The following PSMD14 variants were observed in gnomAD, a reference collection of about 807,000 sequenced individuals.
PSMD14 encodes proteasome 26S subunit, non-ATPase 14.
PSMD14 carries 7 observed loss-of-function variants against 41.2 expected under a neutral mutation model. The observed-to-expected ratio is 0.17, with a 90% CI of 0.10 to 0.32. PSMD14 has a LOEUF of 0.32. Among genes scored for constraint, PSMD14 ranks in the 10% least tolerant of loss-of-function variants. PSMD14 has a pLI of 1.00. For synonymous variants in PSMD14, 114 were observed against 122.3 expected (o/e 0.93, Z 0.45); for missense variants, 139 against 375.6 (o/e 0.37, Z 5.21).
intron 3 of PSMD14, among the ~76,000 whole-genome samples, chr2:161,320,514 A>C (rs970516325): frequency 6.6e-6 from 1 of 152,152 alleles, no homozygotes; most frequent in Non-Finnish European, 1.5e-5. Context: ...GAATCATTTC[A>C]TCTCAATTAG....
At chr2:161,406,289 G>A (rs1482970663) in intron 10 of PSMD14, among the ~76,000 whole-genome samples, 1 of 152,160 alleles carries the variant, frequency 6.6e-6, no homozygotes, top group Non-Finnish European at 1.5e-5. Context: ...TGCATGATGG[G>A]ATAGCCATCT....
intron 3 of PSMD14, among the ~76,000 whole-genome samples, chr2:161,362,929 T>C (rs1683309400): frequency 6.6e-6 from 1 of 152,222 alleles, no homozygotes; most frequent in Non-Finnish European, 1.5e-5. Flanking sequence ...TTATTGTTTC[T>C]GTTTATTTTA....
At chr2:161,339,147 C>T (rs1362524533) in intron 3 of PSMD14, among the ~76,000 whole-genome samples, 2 of 152,146 alleles carry the variant, frequency 1.3e-5, no homozygotes, top group East Asian at 3.8e-4. Context: ...ATTTCTCTTG[C>T]TTAAATACCT....
intron 1 of PSMD14, among the ~76,000 whole-genome samples, chr2:161,310,792 A>G (rs1420032881): frequency 1.3e-5 from 2 of 152,146 alleles, no homozygotes; most frequent in Non-Finnish European, 2.9e-5. Flanking sequence ...GCCGGATTCA[A>G]ATTGAGGTCA....
intron 4 of PSMD14, 107 bp downstream of exon 4, chr2:161,367,656 T>C: frequency 1.4e-6 from 2 of 1,411,144 alleles, no homozygotes; most frequent in South Asian, 1.3e-5. Context: ...AAATAAGCTA[T>C]TGTTTTAGGT....
rs549301597 is a variant in PSMD14, at chr2:161,347,525, T to C, written c.49-19953T>C. ...ACTCAGACGTTAGATCATATTAAGA[T>C]AGTGCTGAGATTTTAAGAAAATCTG... is the stretch of plus-strand genomic sequence containing the variant. On this transcript the variant is annotated intron_variant, in intron 3 of 11. Coordinates refer to ENST00000409682, the MANE Select transcript of PSMD14 (RefSeq NM_005805.6). Among the ~76,000 whole-genome samples, 5 of 152,304 alleles carry C rather than the reference T, an allele frequency of 3.3e-5. No homozygotes were observed. The East Asian group carries it at 9.6e-4, about 29-fold the overall frequency.
At position 161,411,353 on chromosome 2, in the gene PSMD14, A is replaced by G; in HGVS notation, c.886A>G (p.Ile296Val). The change falls in exon 12 of 12, where the codon ATT becomes GTT. Residue 296 changes from isoleucine to valine, a missense_variant. Coordinates refer to ENST00000409682, the MANE Select transcript of PSMD14 (RefSeq NM_005805.6). ...EHVDVLMTSN[I>V]VQCLAAMLDT... ...TGTGGATGTACTTATGACCTCAAATATTGTCCAGTGTTTAGCAGCTATGTT... is the reference window on the plus strand; with the variant it reads ...TGTGGATGTACTTATGACCTCAAATGTTGTCCAGTGTTTAGCAGCTATGTT... The G allele has an allele frequency of 6.2e-7, 1 of 1,610,952 alleles. No individual in the cohort carries two copies. Among genetic ancestry groups the G allele is most frequent in the Non-Finnish European group, 8.5e-7 (1 of 1,178,306 alleles).
chr2:161,335,737 A>C (rs1682859990), intron 3 of PSMD14, among the ~76,000 whole-genome samples: 1 of 152,236 alleles, frequency 6.6e-6, no homozygotes, highest in Admixed American at 6.5e-5. Flanking sequence ...AATTCCTAGG[A>C]GTGGAATTAC....
chr2:161,374,787 T>G (rs1297505949), intron 7 of PSMD14, among the ~76,000 whole-genome samples: 1 of 151,980 alleles, frequency 6.6e-6, no homozygotes, highest in Non-Finnish European at 1.5e-5. Context: ...ACTTCTTTCT[T>G]GAGGCAAAAA....
At position 161,324,095 on chromosome 2, in the gene PSMD14, A is replaced by G. The variant is rs545959309; in HGVS notation, c.48+5222A>G. On this transcript the variant is annotated intron_variant, in intron 3 of 11. Transcript: ENST00000409682. ...TTTGGAAATAGTCAATATAAGCTTG[A>G]AAGTAGATGGAACTTAAGCAAAATG... Among the ~76,000 whole-genome samples the G allele has an allele frequency of 5.3e-4, 80 of 152,344 alleles. 1 individual carries two copies. Among genetic ancestry groups the G allele is most frequent in the African/African-American group, 1.9e-3 (78 of 41,598 alleles).
At chr2:161,356,198 C>G (rs926279849) in intron 3 of PSMD14, among the ~76,000 whole-genome samples, 1 of 152,058 alleles carries the variant, frequency 6.6e-6, no homozygotes, top group African/African-American at 2.4e-5. Context: ...TGGGTTAGGA[C>G]GATGGGGAAC....
intron 7 of PSMD14, among the ~76,000 whole-genome samples, chr2:161,380,934 A>G (rs751554585): frequency 6.6e-6 from 1 of 151,986 alleles, no homozygotes; most frequent in Non-Finnish European, 1.5e-5. Context: ...TCTAGAAACA[A>G]CCTAAGCAGT....
chr2:161,338,218 C>G (rs568340781), intron 3 of PSMD14, among the ~76,000 whole-genome samples: 1 of 152,178 alleles, frequency 6.6e-6, no homozygotes, highest in Admixed American at 6.6e-5. Context: ...ATCCTTGGAA[C>G]TATATTTAGA....
At chr2:161,410,585 C>T (rs1684010998) in intron 11 of PSMD14, among the ~76,000 whole-genome samples, 1 of 151,910 alleles carries the variant, frequency 6.6e-6, no homozygotes, top group South Asian at 2.1e-4. Context: ...AATTTTAAGC[C>T]TCCTTTTTAA....
chr2:161,399,931 G>A (rs1057209174), intron 10 of PSMD14, among the ~76,000 whole-genome samples: 2 of 152,074 alleles, frequency 1.3e-5, no homozygotes, highest in East Asian at 3.9e-4. Flanking sequence ...AAATTAAATT[G>A]TATAACAATG....
intron 3 of PSMD14, among the ~76,000 whole-genome samples, chr2:161,336,864 C>T (rs868619940): frequency 3.9e-5 from 6 of 152,300 alleles, no homozygotes; most frequent in Middle Eastern, 3.4e-3. Context: ...CGTGAGCCAC[C>T]GTGCTCAGCC....
intron 3 of PSMD14, chr2:161,340,908 G>A: frequency 6.2e-7 from 1 of 1,613,920 alleles, no homozygotes; most frequent in South Asian, 1.1e-5. Context: ...GTATTTGAAG[G>A]AGAAGCCTTC....
intron 3 of PSMD14, among the ~76,000 whole-genome samples, chr2:161,319,504 A>T (rs1689180902): frequency 6.6e-6 from 1 of 152,110 alleles, no homozygotes; most frequent in African/African-American, 2.4e-5. Context: ...CAGATCAAGA[A>T]TTTGTGCCTC....
chr2:161,314,504 C>G (rs1288446524), intron 1 of PSMD14, among the ~76,000 whole-genome samples: 1 of 152,186 alleles, frequency 6.6e-6, no homozygotes, highest in Non-Finnish European at 1.5e-5. Flanking sequence ...TTCTGTCATT[C>G]CAAGGTAAAA....
Sources: gnomAD v4.1 joint callset for allele counts (sites outside exome capture counted in the v4.1 genomes callset) on GRCh38, gnomAD v4.1.1 for gene constraint, MANE v1.5 for transcripts, NCBI Gene and HGNC (gene_info 2026-07-23, HGNC 2026-07-21) for gene names.